The following MICU3 variants were observed in gnomAD, a reference collection of about 807,000 sequenced individuals.
MICU3 encodes the protein calcium uptake protein 3, mitochondrial.
Under a neutral mutation model 66.5 loss-of-function variants are expected in MICU3, and 62 were observed. The observed-to-expected ratio is 0.93, with a 90% CI of 0.76 to 1.15. The LOEUF is 1.15. Ranked by LOEUF, MICU3 falls within the 50% of genes most tolerant of loss-of-function variation. The pLI is 0.00. For missense variants in MICU3, 779 were observed against 664.4 expected (o/e 1.17, Z -1.90); for synonymous variants, 308 against 240.7 (o/e 1.28, Z -2.59).
At chr8:17,034,759 T>C (rs961673635) in intron 1 of MICU3, among the ~76,000 whole-genome samples, 22 of 152,324 alleles carry the variant, frequency 1.4e-4, no homozygotes, top group Middle Eastern at 6.8e-3. Flanking sequence ...ATGATAAAAC[T>C]TTAACAGACG....
chr8:17,109,133 T>G (rs936006548), intron 11 of MICU3, among the ~76,000 whole-genome samples: 1 of 152,202 alleles, frequency 6.6e-6, no homozygotes, highest in Non-Finnish European at 1.5e-5. Context: ...CTGGCTGTCC[T>G]TATTCCTTCC....
chr8:17,037,045 CA>C lies in MICU3; in HGVS notation c.381+9386del, dbSNP rs1813146741. On this transcript the variant is annotated intron_variant, in intron 1 of 14. Coordinates refer to ENST00000318063, the MANE Select transcript of MICU3 (RefSeq NM_181723.3). Reference sequence around the variant, plus strand: ...GCTGGGGGACCCAGTACACCTTCCGCAGCCACTGGCCCGGGTGCTAAGTCCC... The same window carrying C: ...GCTGGGGGACCCAGTACACCTTCCGCGCCACTGGCCCGGGTGCTAAGTCCC... 2.0e-5 allele frequency among the ~76,000 whole-genome samples: 3 copies of C among 152,248 alleles called. No individual in the cohort carries two copies. In the South Asian group the frequency reaches 6.2e-4, roughly 31 times the overall value.
intron 1 of MICU3, among the ~76,000 whole-genome samples, chr8:17,029,739 CTGATTGTGCTAGGT>C (rs1186873727): frequency 1.3e-5 from 2 of 152,206 alleles, no homozygotes; most frequent in Non-Finnish European, 2.9e-5. Flanking sequence ...TATTTTTTCA[CTGATTGTGCTAGGT>C]TCTTAAGAGG....
rs1322715942 is a variant in MICU3 at position 17,120,913 on chromosome 8, A to G, written c.*626A>G. ...AACATATGTTGTTTGACTTGTATAAAGTTTTTAAAAATTGTTGTTTATTTG... is the reference window on the plus strand; with the variant it reads ...AACATATGTTGTTTGACTTGTATAAGGTTTTTAAAAATTGTTGTTTATTTG... On this transcript the variant is annotated 3_prime_UTR_variant, in exon 15 of 15. Coordinates refer to ENST00000318063, the MANE Select transcript of MICU3 (RefSeq NM_181723.3). The G allele has an allele frequency of 6.6e-6, 1 of 152,106 alleles. No individual in the cohort carries two copies. Among genetic ancestry groups the G allele is most frequent in the African/African-American group, 2.4e-5 (1 of 41,442 alleles). 9.4% of individuals were successfully genotyped at this position (152,106 alleles called of 1,614,324 possible).
At chr8:17,034,870 T>A (rs930384280) in intron 1 of MICU3, among the ~76,000 whole-genome samples, 3 of 152,240 alleles carry the variant, frequency 2.0e-5, no homozygotes, top group African/African-American at 7.2e-5. Flanking sequence ...AACAAAGATT[T>A]GGAATATTCC....
chr8:17,093,523 T>G (rs772476876), intron 8 of MICU3, among the ~76,000 whole-genome samples: 6 of 152,056 alleles, frequency 3.9e-5, no homozygotes, highest in Non-Finnish European at 8.8e-5. Flanking sequence ...GTTTTAAATC[T>G]TCTCTGTCAT....
At chr8:17,069,942 A>T (rs1819299854) in intron 3 of MICU3, among the ~76,000 whole-genome samples, 1 of 152,096 alleles carries the variant, frequency 6.6e-6, no homozygotes, top group South Asian at 2.1e-4. Context: ...ATTACTGGTA[A>T]ATCTCATGTG....
chr8:17,035,228 T>G (rs1208132742), intron 1 of MICU3, among the ~76,000 whole-genome samples: 1 of 152,150 alleles, frequency 6.6e-6, no homozygotes, highest in African/African-American at 2.4e-5. Context: ...TACCCAGTCT[T>G]GGGTATGTTT....
chr8:17,112,094 TC>T (rs2076412006), intron 11 of MICU3, among the ~76,000 whole-genome samples: 1 of 152,060 alleles, frequency 6.6e-6, no homozygotes, highest in Non-Finnish European at 1.5e-5. Flanking sequence ...GTCACTTCCC[TC>T]CCTCAACATG....
intron 1 of MICU3, among the ~76,000 whole-genome samples, chr8:17,055,027 G>A (rs185414245): frequency 2.0e-5 from 3 of 152,216 alleles, no homozygotes; most frequent in Admixed American, 1.3e-4. Flanking sequence ...ATGAGCCACC[G>A]TGCCCAGCCC....
chr8:17,110,260 A>C (rs1006689906), intron 11 of MICU3, among the ~76,000 whole-genome samples: 1 of 152,088 alleles, frequency 6.6e-6, no homozygotes, highest in African/African-American at 2.4e-5. Context: ...TATTTTATTG[A>C]GGTAAAATTT....
intron 3 of MICU3, among the ~76,000 whole-genome samples, chr8:17,074,988 A>G (rs575296483): frequency 5.3e-5 from 8 of 152,184 alleles, no homozygotes; most frequent in Admixed American, 3.3e-4. Context: ...CTTACTGTCT[A>G]CAAGTCTAGG....
In MICU3 at chr8:17,028,197, G is replaced by C. The variant is rs189760754; in HGVS notation, c.381+537G>C. On this transcript the variant is annotated intron_variant, in intron 1 of 14. Transcript: ENST00000318063. ...ACCCAGGGAATGTTGATGTTACCAG[G>C]TCTGAAAAGAAATAAAAAATTGTTC... Among the ~76,000 whole-genome samples, 20 of 152,302 alleles carry C rather than the reference G, an allele frequency of 1.3e-4. 1 individual carries two copies. The East Asian group carries it at 3.7e-3, about 28-fold the overall frequency.
At chr8:17,101,036 C>T (rs967594691) in intron 9 of MICU3, among the ~76,000 whole-genome samples, 18 of 151,856 alleles carry the variant, frequency 1.2e-4, no homozygotes, top group African/African-American at 4.3e-4. Flanking sequence ...CCCTTCGATA[C>T]CTCGTAGGGT....
In MICU3 at chr8:17,064,176, AGG is replaced by A. The variant is rs1818318540; in HGVS notation, c.476_477del (p.Gly159AlafsTer8). 3 of 1,613,134 alleles carry A rather than the reference AGG, an allele frequency of 1.9e-6. No homozygotes were observed. In the African/African-American group the frequency reaches 4.0e-5, roughly 22 times the overall value. On this transcript the variant is annotated frameshift_variant, in exon 2 of 15. Transcript: ENST00000318063. LOFTEE classifies it high-confidence loss of function. Reference protein sequence around the residue: ...FRLFASIECEGQLFMTPYDFI... With the variant: ...FRLFASIECEXQLFMTPYDFI... ...GTTTATTTGCTTCTATAGAATGTGA[AGG>A]GCAGTTATTCATGACTCCGTATGAT...
chr8:17,045,523 A>G (rs1055159054), intron 1 of MICU3, among the ~76,000 whole-genome samples: 1 of 152,176 alleles, frequency 6.6e-6, no homozygotes, highest in African/African-American at 2.4e-5. Context: ...AAAAGTCCCC[A>G]ATGAAGTCCC....
At chr8:17,097,882 C>T (rs79610398) in intron 8 of MICU3, among the ~76,000 whole-genome samples, 5,811 of 151,674 alleles carry the variant, frequency 0.038, 173 homozygotes, top group Non-Finnish European at 0.061. Flanking sequence ...TAAGTAGTAC[C>T]GTAACCATTC....
intron 7 of MICU3, among the ~76,000 whole-genome samples, chr8:17,089,306 A>G (rs1328647455): frequency 6.6e-6 from 1 of 152,062 alleles, no homozygotes; most frequent in Non-Finnish European, 1.5e-5. Flanking sequence ...GTGTTTAGCA[A>G]TAATGATAAT....
chr8:17,027,502 G>A lies in MICU3; in HGVS notation c.223G>A (p.Gly75Arg), dbSNP rs1195055446. ...GCTGAGCGTGGCGGCGGCGGCCGGC[G>A]GGGGGCTGGTCGGCCTGGTATGCTA... ...GELSVAAAAG[G>R]GLVGLVCYQL... The change falls in exon 1 of 15, where the codon GGG (glycine) becomes AGG (arginine). Residue 75 changes from glycine (G) to arginine (R), a missense_variant. Transcript: ENST00000318063. The A allele has an allele frequency of 7.8e-7, 1 of 1,282,116 alleles. No individual in the cohort carries two copies. The highest frequency in any genetic ancestry group is 9.8e-7 in the Non-Finnish European group (1 of 1,019,108). 79.4% of individuals were successfully genotyped at this position (1,282,116 alleles called of 1,614,324 possible).
Sources: gnomAD v4.1 joint callset for allele counts (sites outside exome capture counted in the v4.1 genomes callset) on GRCh38, gnomAD v4.1.1 for gene constraint, MANE v1.5 for transcripts, NCBI Gene and HGNC (gene_info 2026-07-23, HGNC 2026-07-21) for gene names.